Variants in PIBF1 observed in about 807,000 individuals in gnomAD.
PIBF1 encodes the protein progesterone immunomodulatory binding factor 1.
Under a neutral mutation model 112.5 loss-of-function variants are expected in PIBF1, and 90 were observed. That is an observed-to-expected ratio of 0.80 (90% CI 0.67 to 0.95). The LOEUF (loss-of-function observed/expected upper bound fraction) is 0.95, where lower values mean the gene tolerates loss of function less well. Ranked by LOEUF, PIBF1 falls within the 40% of genes least tolerant of loss-of-function variation. PIBF1 has a pLI of 0.00. For synonymous variants in PIBF1, 301 were observed against 288.6 expected (o/e 1.04, Z -0.44); for missense variants, 915 against 852.3 (o/e 1.07, Z -0.92).
At chr13:72,960,168 T>C (rs1000455288) in intron 14 of PIBF1, among the ~76,000 whole-genome samples, 1 of 152,248 alleles carries the variant, frequency 6.6e-6, no homozygotes, top group African/African-American at 2.4e-5. Flanking sequence ...ATAGTATTTA[T>C]TATCCAGAGT....
intron 16 of PIBF1, among the ~76,000 whole-genome samples, chr13:72,993,204 A>G (rs1319037210): frequency 6.6e-6 from 1 of 152,124 alleles, no homozygotes; most frequent in Non-Finnish European, 1.5e-5. Context: ...GCATGCCTGT[A>G]GACCCAGCTA....
At chr13:72,815,113 T>A (rs901426405) in intron 5 of PIBF1, among the ~76,000 whole-genome samples, 5 of 152,226 alleles carry the variant, frequency 3.3e-5, no homozygotes, top group Admixed American at 1.3e-4. Flanking sequence ...AAGAAAGTTC[T>A]GAGAAAGAGA....
intron 13 of PIBF1, among the ~76,000 whole-genome samples, chr13:72,917,496 TC>T (rs1435577463): frequency 6.6e-6 from 1 of 152,142 alleles, no homozygotes; most frequent in East Asian, 1.9e-4. Flanking sequence ...TTTTTTTTTT[TC>T]TTTCTCTCAT....
At chr13:72,946,425 A>G (rs1288889952) in intron 14 of PIBF1, among the ~76,000 whole-genome samples, 1 of 151,968 alleles carries the variant, frequency 6.6e-6, no homozygotes, top group Non-Finnish European at 1.5e-5. Context: ...ACAAAACCTA[A>G]CCATATCATT....
chr13:72,926,054 A>G (rs549588800), intron 13 of PIBF1, among the ~76,000 whole-genome samples: 1 of 152,260 alleles, frequency 6.6e-6, no homozygotes, highest in African/African-American at 2.4e-5. Flanking sequence ...TTATAGTTTT[A>G]GCTTCTGTAT....
chr13:72,794,028 C>G (rs1021883669), intron 3 of PIBF1, among the ~76,000 whole-genome samples: 1 of 151,956 alleles, frequency 6.6e-6, no homozygotes, highest in Non-Finnish European at 1.5e-5. Flanking sequence ...CAGAAGAGGA[C>G]CAAGTACTCC....
At chr13:72,807,511 G>T (rs567681800) in intron 5 of PIBF1, among the ~76,000 whole-genome samples, 1 of 152,244 alleles carries the variant, frequency 6.6e-6, no homozygotes, top group East Asian at 1.9e-4. Flanking sequence ...AGAGGTGGAG[G>T]TTGTAGTGAG....
At chr13:73,001,581 A>ATTTTTTTTTTTTTTTTT (rs1491176240) in intron 17 of PIBF1, among the ~76,000 whole-genome samples, 10 of 2,386 alleles carry the variant, frequency 4.2e-3, no homozygotes, top group Non-Finnish European at 7.3e-3. Context: ...TAAGAGCTTG[A>ATTTTTTTTTTTTTTTTT]CTTTTTTTTT....
intron 16 of PIBF1, among the ~76,000 whole-genome samples, chr13:72,984,515 T>C: frequency 6.6e-6 from 1 of 152,320 alleles, no homozygotes; most frequent in East Asian, 1.9e-4. Flanking sequence ...TAGTTTTTTA[T>C]ATTCATTTAT....
chr13:72,834,763 G>T (rs113236318), intron 8 of PIBF1, among the ~76,000 whole-genome samples: 1 of 151,858 alleles, frequency 6.6e-6, no homozygotes, highest in Non-Finnish European at 1.5e-5. Context: ...ATAATACTTC[G>T]ACTTGGCTAA....
chr13:72,835,258 A>C lies in PIBF1; in HGVS notation c.1113A>C (p.Thr371=), dbSNP rs781685576. The change falls in exon 9 of 18, where the codon ACA becomes ACC. Residue 371 remains threonine, a synonymous_variant. Transcript: ENST00000326291. ...CTCCTTGCAGAGACCATTATAAAAC[A>C]GAATATGAAAATAAACTACATGATG... ...KYVASRDHYK[T]EYENKLHDEL... 1 of 1,569,800 alleles carries C rather than the reference A, an allele frequency of 6.4e-7. No homozygotes were observed. Among genetic ancestry groups the C allele is most frequent in the African/African-American group, 1.4e-5 (1 of 71,944 alleles).
intron 4 of PIBF1, among the ~76,000 whole-genome samples, chr13:72,797,207 A>G (rs2035240770): frequency 6.6e-6 from 1 of 152,202 alleles, no homozygotes; most frequent in Admixed American, 6.5e-5. Flanking sequence ...AAGCTTTGCC[A>G]AGAGCCTGGG....
chr13:72,838,952 C>CT (rs2037481926), intron 9 of PIBF1, among the ~76,000 whole-genome samples: 1 of 152,082 alleles, frequency 6.6e-6, no homozygotes, highest in African/African-American at 2.4e-5. Context: ...GAAGGATAGA[C>CT]TGAGAGGCAG....
chr13:72,949,300 C>CTTTTTTTTTTTTTTTTTTTTTTTTT (rs71099771), intron 14 of PIBF1, among the ~76,000 whole-genome samples: 3 of 54,982 alleles, frequency 5.5e-5, no homozygotes, highest in African/African-American at 1.4e-4. Context: ...AAATAGCTGT[C>CTTTTTTTTTTTTTTTTTTTTTTTTT]TTTTTTTTTT....
chr13:72,858,244 G>A (rs1425734439), intron 10 of PIBF1, among the ~76,000 whole-genome samples: 1 of 152,064 alleles, frequency 6.6e-6, no homozygotes, highest in Middle Eastern at 3.2e-3. Context: ...TAAAGATGGG[G>A]TTTTGCCATG....
At chr13:72,782,676 TGAGA>T (rs1350716043) in intron 1 of PIBF1, among the ~76,000 whole-genome samples, 1 of 152,208 alleles carries the variant, frequency 6.6e-6, no homozygotes, top group Admixed American at 6.5e-5. Flanking sequence ...AACATTCTTA[TGAGA>T]GAGTTAGAAG....
At chr13:72,952,036 T>TC (rs1491532396) in intron 14 of PIBF1, among the ~76,000 whole-genome samples, 2 of 14,310 alleles carry the variant, frequency 1.4e-4, no homozygotes, top group African/African-American at 4.7e-4. Flanking sequence ...TTCTTTTCTC[T>TC]TTTTTTTTTT....
chr13:72,852,109 T>C (rs1029350912), intron 9 of PIBF1, among the ~76,000 whole-genome samples: 4 of 152,308 alleles, frequency 2.6e-5, no homozygotes, highest in Non-Finnish European at 5.9e-5. Flanking sequence ...ACCTGCTTAA[T>C]GGTGGGACTG....
intron 14 of PIBF1, among the ~76,000 whole-genome samples, chr13:72,936,800 T>G (rs1170139982): frequency 1.3e-5 from 2 of 152,230 alleles, no homozygotes; most frequent in Non-Finnish European, 2.9e-5. Context: ...CATCAGTTTG[T>G]TAATTTTTTT....
Sources: allele counts gnomAD v4.1 joint callset (sites outside exome capture counted in the v4.1 genomes callset), GRCh38; gene constraint gnomAD v4.1.1; transcripts MANE v1.5; gene names NCBI Gene and HGNC (gene_info 2026-07-23, HGNC 2026-07-21).